The following MAPK8IP3 variants were observed in gnomAD, a reference collection of about 807,000 sequenced individuals.
The protein encoded by MAPK8IP3 is mitogen-activated protein kinase 8 interacting protein 3.
A neutral mutation model predicts 157.8 loss-of-function variants in MAPK8IP3; 49 were observed. The ratio of observed to expected loss-of-function variants is 0.31; its 90% confidence interval spans 0.25 to 0.39. The LOEUF is 0.39. Among genes scored for constraint, MAPK8IP3 ranks in the 10% least tolerant of loss-of-function variants. MAPK8IP3 has a pLI of 1.00. For synonymous variants in MAPK8IP3, 897 were observed against 777.7 expected, an observed-to-expected ratio of 1.15 and a Z score of -2.55; for missense variants, 1,478 against 1,889.4, an observed-to-expected ratio of 0.78 and a Z score of 4.04.
At chr16:1,715,509 G>A (rs2038088144) in intron 1 of MAPK8IP3, among the ~76,000 whole-genome samples, 2 of 152,088 alleles carry the variant, frequency 1.3e-5, no homozygotes, top group Non-Finnish European at 2.9e-5. Flanking sequence ...GCACGTGCCC[G>A]GCACCTGTCT....
At chr16:1,717,987 G>T (rs903805992) in intron 1 of MAPK8IP3, among the ~76,000 whole-genome samples, 12 of 151,906 alleles carry the variant, frequency 7.9e-5, no homozygotes, top group African/African-American at 2.9e-4. Context: ...GAGTAGCTGG[G>T]ACTACAGGCG....
intron 1 of MAPK8IP3, among the ~76,000 whole-genome samples, chr16:1,720,593 A>G (rs376792459): frequency 8.1e-4 from 123 of 152,314 alleles, no homozygotes; most frequent in African/African-American, 2.9e-3. Flanking sequence ...CACGTCACAC[A>G]ATTTTAACCG....
chr16:1,717,066 A>C (rs1347849600), intron 1 of MAPK8IP3, among the ~76,000 whole-genome samples: 3 of 151,152 alleles, frequency 2.0e-5, no homozygotes, highest in Non-Finnish European at 3.0e-5. Flanking sequence ...CTCAAAAAAA[A>C]ATAAAATAAA....
chr16:1,744,310 T>C, intron 5 of MAPK8IP3: 1 of 985,924 alleles, frequency 1.0e-6, no homozygotes, highest in Non-Finnish European at 1.2e-6. Flanking sequence ...TGGGTTGGGC[T>C]GGTGGATGTG....
In MAPK8IP3 at chr16:1,743,937, TGAG is replaced by T; in HGVS notation, c.747+465_747+467del. The stretch of plus-strand genomic sequence containing the variant: ...GGTTTGCCCTCCGTTGGCAGAAAGG[TGAG>T]GAGAAAGCTCCTCTTCTCTGGGCCC... On this transcript the variant is annotated intron_variant, in intron 5 of 31. Coordinates refer to ENST00000610761, the MANE Select transcript of MAPK8IP3 (RefSeq NM_001318852.2). This position sits in a 1 kb window ranked among gnomAD's most constrained non-coding sequence, Gnocchi z 5.6. 1 of 1,006,592 alleles carries T rather than the reference TGAG, an allele frequency of 9.9e-7. No homozygotes were observed. The highest frequency in any genetic ancestry group is 1.2e-6 in the Non-Finnish European group (1 of 843,674). The allele number at this position is 1,006,592 out of a possible 1,614,324, so 62.4% of individuals were successfully genotyped here.
intron 1 of MAPK8IP3, among the ~76,000 whole-genome samples, chr16:1,720,594 A>G (rs2038451292): frequency 6.6e-6 from 1 of 152,198 alleles, no homozygotes; most frequent in Admixed American, 6.5e-5. Flanking sequence ...ACGTCACACA[A>G]TTTTAACCGA....
At chr16:1,739,237 AGT>A (rs1465375144) in intron 4 of MAPK8IP3, among the ~76,000 whole-genome samples, 2 of 70,390 alleles carry the variant, frequency 2.8e-5, no homozygotes, top group Admixed American at 1.9e-4. Context: ...CGTCCGTGAG[AGT>A]GTGACCATCC....
intron 10 of MAPK8IP3, among the ~76,000 whole-genome samples, chr16:1,759,443 G>A (rs1461369513): frequency 6.6e-6 from 1 of 152,146 alleles, no homozygotes; most frequent in African/African-American, 2.4e-5. Flanking sequence ...GGGCATGCTT[G>A]CAGGGAGATC....
chr16:1,764,895 T>C, intron 19 of MAPK8IP3, 118 bp from the exon 20 acceptor site: 3 of 965,704 alleles, frequency 3.1e-6, no homozygotes. Flanking sequence ...GACAGCCATG[T>C]CCCCTCAAGC....
At chr16:1,766,691 A>T in intron 23 of MAPK8IP3, 32 bp from the exon 24 acceptor site, 1 of 1,612,500 alleles carries the variant, frequency 6.2e-7, no homozygotes, top group Non-Finnish European at 8.5e-7. Context: ...GTCCTGGGTG[A>T]GCCCCTCGCC....
intron 4 of MAPK8IP3, among the ~76,000 whole-genome samples, chr16:1,735,349 CGT>C (rs895784571): frequency 1.9e-4 from 28 of 150,620 alleles, no homozygotes; most frequent in African/African-American, 5.6e-4. Flanking sequence ...TCCATGTGAG[CGT>C]GTGAGCGTCC....
Position 1,736,810 on chromosome 16 carries a change from G to C in MAPK8IP3, c.603-6522G>C, listed in dbSNP as rs544692253. On this transcript the variant is annotated intron_variant, in intron 4 of 31. Transcript: ENST00000610761. ...TGTGTGACCGTCCGTGTGAGCGTGTGACCGTCCGTGTGAGCGTCCGTGTGA... is the reference window on the plus strand; with the variant it reads ...TGTGTGACCGTCCGTGTGAGCGTGTCACCGTCCGTGTGAGCGTCCGTGTGA... Among the ~76,000 whole-genome samples the C allele has an allele frequency of 5.3e-4, 42 of 78,538 alleles. 1 individual carries two copies. The highest frequency in any genetic ancestry group is 8.9e-3 in the Middle Eastern group (1 of 112). 51.5% of individuals were successfully genotyped at this position (78,538 alleles called of 152,430 possible).
chr16:1,758,022 T>G, intron 8 of MAPK8IP3, 126 bp from the exon 9 acceptor site: 6 of 967,610 alleles, frequency 6.2e-6, no homozygotes, highest in Non-Finnish European at 9.7e-6. Flanking sequence ...TCTCCTGCCC[T>G]GCAACATGGG....
chr16:1,752,775 G>A (rs2041368549), intron 8 of MAPK8IP3, among the ~76,000 whole-genome samples: 1 of 151,234 alleles, frequency 6.6e-6, no homozygotes, highest in African/African-American at 2.4e-5. Flanking sequence ...AAAGAGAGAA[G>A]GAAAAGAAAA....
Position 1,763,792 on chromosome 16 carries a change from G to C in MAPK8IP3, c.2025+9G>C. Reference sequence around the variant, plus strand: ...CCGCCAAGTACAAGCAGGTGCGGGCGGGCGCTGCGGGGACCGGGCGGGGCC... The same window carrying C: ...CCGCCAAGTACAAGCAGGTGCGGGCCGGCGCTGCGGGGACCGGGCGGGGCC... On this transcript the variant is annotated intron_variant, in intron 17 of 31. Coordinates refer to ENST00000610761, the MANE Select transcript of MAPK8IP3 (RefSeq NM_001318852.2). 1 of 1,517,920 alleles carries C rather than the reference G, an allele frequency of 6.6e-7. No individual in the cohort carries two copies. The highest frequency in any genetic ancestry group is 1.4e-5 in the African/African-American group (1 of 71,356). The allele number at this position is 1,517,920 out of a possible 1,614,324, so 94.0% of individuals were successfully genotyped here. A position where few individuals can be genotyped will look rare whatever the true frequency, so the allele number is the denominator to read the frequency against.
Position 1,768,599 on chromosome 16 carries a change from G to A in MAPK8IP3, c.3865G>A (p.Gly1289Arg), listed in dbSNP as rs2141961348. The A allele has an allele frequency of 1.9e-6, 3 of 1,592,446 alleles. No individual in the cohort carries two copies. Among genetic ancestry groups the A allele is most frequent in the Non-Finnish European group, 2.6e-6 (3 of 1,169,140 alleles). Residue 1289 changes from glycine to arginine, a missense_variant, in exon 31 of 32, where the codon GGG becomes AGG. By Grantham distance (125) the Gly-to-Arg change is moderately radical (BLOSUM62 -2). Transcript: ENST00000610761. Reference protein sequence around the residue: ...KLRNVLVLSGGEGYIDFRIGD... With the variant: ...KLRNVLVLSGREGYIDFRIGD... Reference sequence around the variant, plus strand: ...GCGGAACGTGCTGGTGCTGAGCGGCGGGGAGGGCTACATCGACTTCCGCAT... The same window carrying A: ...GCGGAACGTGCTGGTGCTGAGCGGCAGGGAGGGCTACATCGACTTCCGCAT...
chr16:1,738,039 C>T (rs1444367635), intron 4 of MAPK8IP3, among the ~76,000 whole-genome samples: 2 of 60,366 alleles, frequency 3.3e-5, no homozygotes, highest in Admixed American at 2.3e-4. Flanking sequence ...TCCGTGTGAG[C>T]GTGTGACCGT....
At position 1,766,331 on chromosome 16, in the gene MAPK8IP3, C is replaced by T. The variant is rs527434693; in HGVS notation, c.2741C>T (p.Thr914Ile). 1.9e-6 allele frequency: 3 copies of T among 1,612,730 alleles called. No homozygotes were observed. The highest frequency in any genetic ancestry group is 1.1e-5 in the South Asian group (1 of 91,090). ...DPGPSEPETA[T>I]LRPGPLTEHV... ...GGGCCCAGCGAGCCAGAGACAGCCA[C>T]ATTGCGGCCCGGGCCTCTCACAGAG... is the stretch of plus-strand genomic sequence containing the variant. Residue 914 changes from threonine (T) to isoleucine (I), a missense_variant, in exon 22 of 32, where the codon ACA becomes ATA. Coordinates refer to ENST00000610761, the MANE Select transcript of MAPK8IP3 (RefSeq NM_001318852.2).
At chr16:1,717,800 T>C (rs1250994650) in intron 1 of MAPK8IP3, among the ~76,000 whole-genome samples, 1 of 152,226 alleles carries the variant, frequency 6.6e-6, no homozygotes, top group African/African-American at 2.4e-5. Context: ...AATCGTGCTT[T>C]ATAGACTTAA....
Sources: allele counts gnomAD v4.1 joint callset (sites outside exome capture counted in the v4.1 genomes callset), GRCh38; gene constraint gnomAD v4.1.1; non-coding constraint Gnocchi (gnomAD v3.1); transcripts MANE v1.5; gene names NCBI Gene and HGNC (gene_info 2026-07-23, HGNC 2026-07-21).